The following AGBL1 variants were observed in gnomAD, a reference collection of about 807,000 sequenced individuals.
AGBL1 encodes the protein cytosolic carboxypeptidase 4.
Under a neutral mutation model 118.9 loss-of-function variants are expected in AGBL1, and 130 were observed. The ratio of observed to expected loss-of-function variants is 1.09; its 90% CI spans 0.95 to 1.26. The LOEUF is 1.26. Ranked by LOEUF, AGBL1 falls within the 50% of genes most tolerant of loss-of-function variation. The probability of loss-of-function intolerance (pLI) is 0.00; values close to 1 mark genes in which losing one functional copy is unlikely to be tolerated. For synonymous variants in AGBL1, 555 were observed against 478.9 expected, an observed-to-expected ratio of 1.16 and a Z score of -2.08; for missense variants, 1,584 against 1,298.1, an observed-to-expected ratio of 1.22 and a Z score of -3.38.
chr15:86,838,460 C>G (rs55687206), intron 22 of AGBL1, among the ~76,000 whole-genome samples: 1 of 152,038 alleles, frequency 6.6e-6, no homozygotes, highest in Non-Finnish European at 1.5e-5. Flanking sequence ...GCTGCAAGTT[C>G]TAGTCTATGG....
chr15:86,496,505 ATTACT>A (rs2082857395), intron 18 of AGBL1, among the ~76,000 whole-genome samples: 1 of 152,030 alleles, frequency 6.6e-6, no homozygotes, highest in Non-Finnish European at 1.5e-5. Flanking sequence ...CTTTTAATAG[ATTACT>A]TTAATTTTAT....
chr15:87,003,827 G>C (rs2196061), intron 24 of AGBL1, among the ~76,000 whole-genome samples: 135,586 of 152,172 alleles, frequency 0.89, 60,592 homozygotes, highest in South Asian at 0.98. Context: ...GGTGATATCC[G>C]CTTTATCATT....
At chr15:86,537,918 A>C (rs1320772126) in intron 19 of AGBL1, among the ~76,000 whole-genome samples, 1 of 152,212 alleles carries the variant, frequency 6.6e-6, no homozygotes, top group Non-Finnish European at 1.5e-5. Context: ...ATCATTACTT[A>C]CTAGAAGGGC....
At chr15:86,649,489 C>A (rs1442634397) in intron 21 of AGBL1, among the ~76,000 whole-genome samples, 2 of 151,982 alleles carry the variant, frequency 1.3e-5, no homozygotes, top group African/African-American at 4.8e-5. Flanking sequence ...TGAAGTGAGC[C>A]CAATCAGCAG....
At chr15:86,721,320 C>G (rs1278587724) in intron 22 of AGBL1, among the ~76,000 whole-genome samples, 3 of 152,178 alleles carry the variant, frequency 2.0e-5, no homozygotes, top group African/African-American at 7.2e-5. Flanking sequence ...TGGGCTTCAT[C>G]CCTGGGATGC....
intron 22 of AGBL1, among the ~76,000 whole-genome samples, chr15:86,748,326 G>C (rs1177555923): frequency 2.0e-5 from 3 of 151,892 alleles, no homozygotes; most frequent in African/African-American, 7.3e-5. Context: ...TGATGGGGTT[G>C]TTTGTTTTTT....
intron 21 of AGBL1, among the ~76,000 whole-genome samples, chr15:86,640,269 AATT>A (rs1291485203): frequency 1.3e-5 from 2 of 152,194 alleles, no homozygotes; most frequent in Admixed American, 6.6e-5. Flanking sequence ...TAAAGTCCAG[AATT>A]ATAATAGAGT....
chr15:86,180,899 C>G (rs1369088937), intron 5 of AGBL1, among the ~76,000 whole-genome samples: 3 of 151,944 alleles, frequency 2.0e-5, no homozygotes, highest in Non-Finnish European at 4.4e-5. Flanking sequence ...ATACAGATAG[C>G]AAATATGCAC....
intron 22 of AGBL1, among the ~76,000 whole-genome samples, chr15:86,695,077 C>T (rs1255534138): frequency 1.3e-5 from 2 of 151,656 alleles, no homozygotes; most frequent in Non-Finnish European, 3.0e-5. Flanking sequence ...TGTCTTTTCC[C>T]GGTTTGGGCA....
At chr15:86,797,043 C>CAGAAA (rs2078582808) in intron 22 of AGBL1, among the ~76,000 whole-genome samples, 1 of 152,200 alleles carries the variant, frequency 6.6e-6, no homozygotes, top group Non-Finnish European at 1.5e-5. Flanking sequence ...GCTGTGCACT[C>CAGAAA]AGAAAAGTCA....
intron 24 of AGBL1, among the ~76,000 whole-genome samples, chr15:87,021,601 C>T (rs1388148568): frequency 6.6e-6 from 1 of 152,132 alleles, no homozygotes; most frequent in Non-Finnish European, 1.5e-5. Context: ...ATCCATGTGA[C>T]AAAGGCCTAA....
intron 22 of AGBL1, among the ~76,000 whole-genome samples, chr15:86,802,664 C>G (rs1158832988): frequency 3.9e-5 from 6 of 152,094 alleles, no homozygotes; most frequent in Admixed American, 3.3e-4. Flanking sequence ...ACCTCACAGT[C>G]TAGTAATTGA....
At chr15:86,438,004 C>A (rs1056787502) in intron 18 of AGBL1, among the ~76,000 whole-genome samples, 11 of 152,240 alleles carry the variant, frequency 7.2e-5, no homozygotes, top group Non-Finnish European at 1.6e-4. Context: ...CTCCCAGGTT[C>A]AAGCGATTCT....
chr15:86,232,929 A>G (rs1158094348), intron 6 of AGBL1, among the ~76,000 whole-genome samples: 1 of 152,174 alleles, frequency 6.6e-6, no homozygotes, highest in African/African-American at 2.4e-5. Context: ...AGTGTTTATT[A>G]GAGTACCTGC....
chr15:86,279,569 A>C, intron 15 of AGBL1, 70 bp from the exon 16 acceptor site: 1 of 1,447,138 alleles, frequency 6.9e-7, no homozygotes, highest in Non-Finnish European at 9.6e-7. Context: ...AGCATCTAGG[A>C]CCCTAAATGA....
In AGBL1 at chr15:86,716,465, C is replaced by G. The variant is rs557158099; in HGVS notation, c.3158+42029C>G. Among the ~76,000 whole-genome samples the G allele has an allele frequency of 7.2e-5, 11 of 152,250 alleles. 1 individual carries two copies. The South Asian group carries it at 2.3e-3, about 32-fold the overall frequency. On this transcript the variant is annotated intron_variant, in intron 22 of 22. Coordinates refer to ENST00000614907, the MANE Select transcript of AGBL1 (RefSeq NM_001386094.1). The stretch of plus-strand genomic sequence containing the variant: ...ACTTTCTTCCCAGTTTGATCTGTAG[C>G]TGAGCTAAATGTGTCATTGGTAGTC...
chr15:86,398,327 C>A (rs896572807), intron 18 of AGBL1, among the ~76,000 whole-genome samples: 9 of 152,144 alleles, frequency 5.9e-5, no homozygotes, highest in Non-Finnish European at 1.0e-4. Flanking sequence ...ACAGGATTAA[C>A]ATCCACAAAG....
At chr15:86,797,545 A>G (rs1169260821) in intron 22 of AGBL1, among the ~76,000 whole-genome samples, 4 of 152,186 alleles carry the variant, frequency 2.6e-5, no homozygotes, top group African/African-American at 7.2e-5. Flanking sequence ...CTCTCTCCCT[A>G]TTGATCTCTC....
chr15:86,566,785 C>G (rs2083923078), intron 21 of AGBL1, among the ~76,000 whole-genome samples: 1 of 152,186 alleles, frequency 6.6e-6, no homozygotes, highest in South Asian at 2.1e-4. Context: ...TATACACAAA[C>G]ATGTATCCAT....
Sources: gnomAD v4.1 joint callset for allele counts (sites outside exome capture counted in the v4.1 genomes callset) on GRCh38, gnomAD v4.1.1 for gene constraint, MANE v1.5 for transcripts, NCBI Gene and HGNC (gene_info 2026-07-23, HGNC 2026-07-21) for gene names.